The following NRG3 variants were observed in gnomAD, a reference collection of about 807,000 sequenced individuals.
NRG3 encodes neuregulin 3.
A neutral mutation model predicts 66.9 loss-of-function variants in NRG3; 31 were observed. The observed-to-expected ratio is 0.46, with a 90% CI of 0.35 to 0.63. The LOEUF (loss-of-function observed/expected upper bound fraction) is 0.63. NRG3 is among the 20% of genes least tolerant of loss of function. The pLI is 0.00. For synonymous variants in NRG3, 393 were observed against 359.4 expected, an observed-to-expected ratio of 1.09 and a Z score of -1.06; for missense variants, 910 against 878.9, an observed-to-expected ratio of 1.04 and a Z score of -0.45.
rs17725640 is a variant in NRG3, at chr10:81,930,279, G to C, written c.823+54116G>C. Reference sequence around the variant, plus strand: ...TATGGTCTCCAGCAAGATGGTCCTCGCTTCATACTCAGAGGCTGCAAATCC... The same window carrying C: ...TATGGTCTCCAGCAAGATGGTCCTCCCTTCATACTCAGAGGCTGCAAATCC... On this transcript the variant is annotated intron_variant, in intron 1 of 8. Coordinates refer to ENST00000372141, the MANE Select transcript of NRG3 (RefSeq NM_001010848.4). Among the ~76,000 whole-genome samples, 3 of 152,066 alleles carry C rather than the reference G, an allele frequency of 2.0e-5. No homozygotes were observed. In the South Asian group the frequency reaches 6.2e-4, roughly 31 times the overall value.
intron 1 of NRG3, among the ~76,000 whole-genome samples, chr10:82,273,509 A>G (rs1649960): frequency 0.052 from 7,877 of 152,166 alleles, 336 homozygotes; most frequent in South Asian, 0.15. Context: ...GAATTTAATT[A>G]TAACCCACAG....
intron 1 of NRG3, among the ~76,000 whole-genome samples, chr10:82,244,617 C>T (rs762304249): frequency 4.6e-5 from 7 of 151,990 alleles, no homozygotes; most frequent in African/African-American, 1.2e-4. Flanking sequence ...TGTAAAGCAG[C>T]GGTCCACAAC....
intron 1 of NRG3, among the ~76,000 whole-genome samples, chr10:82,084,502 A>AT (rs11324774): frequency 0.42 from 60,337 of 145,312 alleles, 13,840 homozygotes; most frequent in South Asian, 0.56. Flanking sequence ...CATATATGAG[A>AT]TTTTTTTTTT....
chr10:82,773,125 A>G (rs886907408), intron 3 of NRG3, among the ~76,000 whole-genome samples: 1 of 152,102 alleles, frequency 6.6e-6, no homozygotes, highest in Non-Finnish European at 1.5e-5. Context: ...GCTGAGTCAT[A>G]TGGTTGTTCT....
intron 1 of NRG3, among the ~76,000 whole-genome samples, chr10:82,111,152 T>G (rs2067365954): frequency 6.6e-6 from 1 of 152,162 alleles, no homozygotes; most frequent in Non-Finnish European, 1.5e-5. Flanking sequence ...ATCTGGCCTC[T>G]TTAGAAGGAA....
intron 1 of NRG3, among the ~76,000 whole-genome samples, chr10:82,089,707 T>C (rs1253098067): frequency 7.9e-5 from 12 of 152,222 alleles, no homozygotes; most frequent in Admixed American, 4.6e-4. Flanking sequence ...ATGATCAAGC[T>C]GCAAACTGAT....
In NRG3 at chr10:82,974,268, C is replaced by T. The variant is rs1225932915; in HGVS notation, c.1412+353C>T. Among the ~76,000 whole-genome samples the T allele has an allele frequency of 1.3e-5, 2 of 152,146 alleles. 1 individual carries two copies. Among genetic ancestry groups the T allele is most frequent in the East Asian group, 3.9e-4 (2 of 5,194 alleles). ...TAATGAGTAATTCTTCCCTATGCAG[C>T]CTAATGTGACAGACTTCAGGTTTTC... On this transcript the variant is annotated intron_variant, in intron 7 of 8. Transcript: ENST00000372141.
Position 82,243,842 on chromosome 10 carries a change from C to A in NRG3, c.824-114897C>A, listed in dbSNP as rs75618714. The stretch of plus-strand genomic sequence containing the variant: ...TTTCTTTTGGGTACAATAGCTATAT[C>A]ATTATACAGCAAAGGAGAGAAATTG... On this transcript the variant is annotated intron_variant, in intron 1 of 8. Coordinates refer to ENST00000372141, the MANE Select transcript of NRG3 (RefSeq NM_001010848.4). 1.1e-3 allele frequency among the ~76,000 whole-genome samples: 165 copies of A among 152,216 alleles called. No homozygotes were observed. The East Asian group carries it at 0.021, about 19-fold the overall frequency.
chr10:82,706,144 A>T (rs1183686556), intron 2 of NRG3, among the ~76,000 whole-genome samples: 1 of 152,102 alleles, frequency 6.6e-6, no homozygotes, highest in Non-Finnish European at 1.5e-5. Context: ...ACATTTTGCA[A>T]GTAAGCATAT....
chr10:82,571,165 CTTAT>C (rs931553656), intron 2 of NRG3, among the ~76,000 whole-genome samples: 5 of 151,428 alleles, frequency 3.3e-5, no homozygotes, highest in African/African-American at 1.2e-4. Flanking sequence ...TCTAAACTCC[CTTAT>C]TTAATTGTTA....
rs116519511 is a variant in NRG3 at position 82,342,343 on chromosome 10, A to G, written c.824-16396A>G. 1.9e-3 allele frequency among the ~76,000 whole-genome samples: 293 copies of G among 152,198 alleles called. 2 individuals are homozygous for G. Among genetic ancestry groups the G allele is most frequent in the Non-Finnish European group, 3.6e-3 (245 of 67,946 alleles). Reference sequence around the variant, plus strand: ...ATTTTTAGTTCTTGGATAAATCTCCATACTGTTTTCCATAAAGGTTGTAGC... The same window carrying G: ...ATTTTTAGTTCTTGGATAAATCTCCGTACTGTTTTCCATAAAGGTTGTAGC... On this transcript the variant is annotated intron_variant, in intron 1 of 8. Transcript: ENST00000372141.
chr10:82,178,508 T>A (rs1168318105), intron 1 of NRG3, among the ~76,000 whole-genome samples: 1 of 152,186 alleles, frequency 6.6e-6, no homozygotes, highest in Non-Finnish European at 1.5e-5. Flanking sequence ...TTATTTCACT[T>A]AGCATAATAT....
At chr10:82,590,116 T>C (rs949742569) in intron 2 of NRG3, among the ~76,000 whole-genome samples, 3 of 152,156 alleles carry the variant, frequency 2.0e-5, no homozygotes, top group Non-Finnish European at 4.4e-5. Flanking sequence ...CTGATTGAAT[T>C]TGATGTCCCA....
intron 1 of NRG3, among the ~76,000 whole-genome samples, chr10:82,092,337 T>G (rs1264599942): frequency 6.6e-6 from 1 of 152,230 alleles, no homozygotes; most frequent in East Asian, 1.9e-4. Flanking sequence ...CCTAATAGCC[T>G]GTCAATATAT....
chr10:82,386,202 A>G (rs974133073), intron 2 of NRG3, among the ~76,000 whole-genome samples: 3 of 152,218 alleles, frequency 2.0e-5, no homozygotes, highest in Non-Finnish European at 4.4e-5. Context: ...TGAAAAGATT[A>G]ATAACTGTGC....
In NRG3 at chr10:82,686,470, G is replaced by A. The variant is rs145696434; in HGVS notation, c.954-52107G>A. ...CCCAAAGTGCTGGGATTATAGGCAC[G>A]AGCCACCGCGCCCTGCCCCATGTGC... On this transcript the variant is annotated intron_variant, in intron 2 of 8. Coordinates refer to ENST00000372141, the MANE Select transcript of NRG3 (RefSeq NM_001010848.4). Among the ~76,000 whole-genome samples the A allele has an allele frequency of 5.1e-3, 781 of 152,172 alleles. 4 individuals carry two copies. The highest frequency in any genetic ancestry group is 0.018 in the African/African-American group (741 of 41,510).
intron 4 of NRG3, among the ~76,000 whole-genome samples, chr10:82,886,804 A>G (rs1264778766): frequency 6.6e-6 from 1 of 152,222 alleles, no homozygotes; most frequent in Admixed American, 6.5e-5. Context: ...GCATAGTCTT[A>G]TCATTTCACC....
chr10:82,640,141 C>A (rs74690790), intron 2 of NRG3, among the ~76,000 whole-genome samples: 13,690 of 152,218 alleles, frequency 0.09, 718 homozygotes, highest in East Asian at 0.22. Flanking sequence ...CCATTTGACA[C>A]AGCAATACCA....
chr10:82,870,439 T>G (rs1267118680), intron 4 of NRG3, among the ~76,000 whole-genome samples: 1 of 152,162 alleles, frequency 6.6e-6, no homozygotes, highest in African/African-American at 2.4e-5. Flanking sequence ...AACTTTTTGG[T>G]GTAAGTACCA....
Sources: gnomAD v4.1 joint callset for allele counts (sites outside exome capture counted in the v4.1 genomes callset) on GRCh38, gnomAD v4.1.1 for gene constraint, MANE v1.5 for transcripts, NCBI Gene and HGNC (gene_info 2026-07-23, HGNC 2026-07-21) for gene names.